Variants in RBFOX1 observed in about 807,000 individuals in gnomAD.
The protein encoded by RBFOX1 is RNA binding fox-1 homolog 1.
A neutral mutation model predicts 57.7 loss-of-function variants in RBFOX1; 8 were observed. The observed-to-expected ratio is 0.14, with a 90% CI of 0.08 to 0.25. The LOEUF is 0.25. RBFOX1 is among the 10% of genes least tolerant of loss of function. RBFOX1 has a pLI of 1.00. For synonymous variants in RBFOX1, 326 were observed against 222.4 expected (o/e 1.47, Z -4.15); for missense variants, 611 against 548.5 (o/e 1.11, Z -1.14).
At position 6,434,240 on chromosome 16, in the gene RBFOX1, A is replaced by G. The variant is rs146417909; in HGVS notation, c.-64+117183A>G. Among the ~76,000 whole-genome samples the G allele has an allele frequency of 1.6e-3, 245 of 152,288 alleles. 1 individual carries two copies. The highest frequency in any genetic ancestry group is 5.7e-3 in the African/African-American group (238 of 41,558). ...TATCCCTAATTACATAACATCTGCA[A>G]AGTCCATTTGGCTATGTAAGGTAAC... On this transcript the variant is annotated intron_variant, in intron 2 of 15. Transcript: ENST00000550418.
At chr16:7,060,147 T>A (rs2053800653) in intron 4 of RBFOX1, among the ~76,000 whole-genome samples, 1 of 152,172 alleles carries the variant, frequency 6.6e-6, no homozygotes, top group Non-Finnish European at 1.5e-5. Context: ...AGATTGTGAC[T>A]ATTTTAGGAC....
intron 4 of RBFOX1, among the ~76,000 whole-genome samples, chr16:7,132,861 C>A (rs186681738): frequency 6.6e-6 from 1 of 152,210 alleles, no homozygotes; most frequent in Non-Finnish European, 1.5e-5. Flanking sequence ...CAAGAGAATG[C>A]TGCCACGTGG....
intron 1 of RBFOX1, among the ~76,000 whole-genome samples, chr16:5,331,575 ACAT>A (rs1345361551): frequency 6.6e-6 from 1 of 152,262 alleles, no homozygotes; most frequent in Non-Finnish European, 1.5e-5. Flanking sequence ...GCCTTTGCAG[ACAT>A]CATACTTATT....
intron 4 of RBFOX1, among the ~76,000 whole-genome samples, chr16:7,355,924 A>T (rs919673168): frequency 2.6e-5 from 4 of 152,226 alleles, no homozygotes; most frequent in Non-Finnish European, 4.4e-5. Flanking sequence ...GCCGGAGGCA[A>T]AATGAGGTCA....
At position 7,001,400 on chromosome 16, in the gene RBFOX1, G is replaced by GTATATGTATATGTATATC. The variant is rs1431915188; in HGVS notation, c.-15-50640_-15-50639insCTATATGTATATGTATAT. On this transcript the variant is annotated intron_variant, in intron 3 of 15. Coordinates refer to ENST00000550418, the MANE Select transcript of RBFOX1 (RefSeq NM_018723.4). ...TGTATGTGTATGTGTATGTGTATTTGTATATGTATATGTATATGTATATGT... is the reference window on the plus strand; with the variant it reads ...TGTATGTGTATGTGTATGTGTATTTGTATATGTATATGTATATCTATATGTATATGTATATGTATATGT... Among the ~76,000 whole-genome samples the GTATATGTATATGTATATC allele has an allele frequency of 6.1e-3, 512 of 83,556 alleles. 2 individuals are homozygous for GTATATGTATATGTATATC. Among genetic ancestry groups the GTATATGTATATGTATATC allele is most frequent in the East Asian group, 0.015 (51 of 3,512 alleles). 54.8% of individuals were successfully genotyped at this position (83,556 alleles called of 152,430 possible). A position where few individuals can be genotyped will look rare whatever the true frequency, so the allele number is the denominator to read the frequency against.
intron 13 of RBFOX1, among the ~76,000 whole-genome samples, chr16:7,667,979 C>CCTCTT (rs2069976837): frequency 6.6e-6 from 1 of 152,124 alleles, no homozygotes; most frequent in African/African-American, 2.4e-5. Context: ...AAGCCATAAA[C>CCTCTT]CTCTTCTTTT....
intron 3 of RBFOX1, among the ~76,000 whole-genome samples, chr16:6,853,999 G>A (rs1193148590): frequency 6.6e-6 from 1 of 152,122 alleles, no homozygotes; most frequent in African/African-American, 2.4e-5. Flanking sequence ...TAGTCTGCAG[G>A]CCAGAAAGAA....
At chr16:5,437,196 A>T (rs2067943891) in intron 1 of RBFOX1, among the ~76,000 whole-genome samples, 2 of 152,182 alleles carry the variant, frequency 1.3e-5, no homozygotes, top group African/African-American at 4.8e-5. Flanking sequence ...ATATCATAGG[A>T]AAGAAGTGAA....
In RBFOX1 at chr16:6,713,112, G is replaced by C. The variant is rs2064039422; in HGVS notation, c.-16+58462G>C. ...CCTCCTTTCCTTTATAAATTACCCA[G>C]TCTCAGGTATTTCTTACAGCAGTGT... On this transcript the variant is annotated intron_variant, in intron 3 of 15. Coordinates refer to ENST00000550418, the MANE Select transcript of RBFOX1 (RefSeq NM_018723.4). 2.0e-5 allele frequency among the ~76,000 whole-genome samples: 3 copies of C among 151,952 alleles called. 1 individual carries two copies. Among genetic ancestry groups the C allele is most frequent in the African/African-American group, 7.3e-5 (3 of 41,376 alleles).
intron 4 of RBFOX1, among the ~76,000 whole-genome samples, chr16:5,915,565 C>T (rs139910959): frequency 0.011 from 1,675 of 152,176 alleles, 36 homozygotes; most frequent in African/African-American, 0.038. Context: ...GGCGCCGTGG[C>T]TCATGCCTCT....
At chr16:6,877,009 C>G (rs1468700869) in intron 3 of RBFOX1, among the ~76,000 whole-genome samples, 1 of 152,084 alleles carries the variant, frequency 6.6e-6, no homozygotes, top group Non-Finnish European at 1.5e-5. Context: ...CAAATGCATA[C>G]TATATTTCTG....
intron 3 of RBFOX1, among the ~76,000 whole-genome samples, chr16:6,657,229 T>G (rs932320754): frequency 4.0e-5 from 6 of 151,824 alleles, no homozygotes; most frequent in Non-Finnish European, 5.9e-5. Context: ...CTTCCTTCCT[T>G]CTTTTTCCTT....
At chr16:6,422,473 C>G (rs1455290948) in intron 2 of RBFOX1, among the ~76,000 whole-genome samples, 1 of 151,954 alleles carries the variant, frequency 6.6e-6, no homozygotes, top group East Asian at 1.9e-4. Flanking sequence ...TTGTATTAGT[C>G]CATTCTCACA....
At chr16:6,566,042 G>A (rs1329674895) in intron 2 of RBFOX1, among the ~76,000 whole-genome samples, 1 of 152,254 alleles carries the variant, frequency 6.6e-6, no homozygotes, top group East Asian at 1.9e-4. Flanking sequence ...GCGATTACCA[G>A]GACAGAGAAC....
chr16:5,626,127 G>A (rs1009738035), intron 3 of RBFOX1, among the ~76,000 whole-genome samples: 6 of 152,144 alleles, frequency 3.9e-5, no homozygotes, highest in African/African-American at 9.7e-5. Flanking sequence ...TGATCTGCCC[G>A]CCTCGGCCTC....
intron 3 of RBFOX1, among the ~76,000 whole-genome samples, chr16:6,660,164 C>T (rs371101791): frequency 6.7e-6 from 1 of 149,942 alleles, no homozygotes; most frequent in African/African-American, 2.5e-5. Context: ...GCAGAGGTTG[C>T]AGTGAGCTGA....
At chr16:7,267,465 G>A (rs1202061576) in intron 4 of RBFOX1, among the ~76,000 whole-genome samples, 1 of 152,158 alleles carries the variant, frequency 6.6e-6, no homozygotes, top group Non-Finnish European at 1.5e-5. Flanking sequence ...GAACCTAGTA[G>A]GTGGAGGTTG....
At chr16:6,689,075 A>G (rs1472305897) in intron 3 of RBFOX1, among the ~76,000 whole-genome samples, 1 of 152,144 alleles carries the variant, frequency 6.6e-6, no homozygotes, top group Non-Finnish European at 1.5e-5. Context: ...CTTTGCTATT[A>G]TGAACAGTGC....
intron 1 of RBFOX1, among the ~76,000 whole-genome samples, chr16:5,454,954 C>CTTTCTTT (rs1567535876): frequency 2.7e-4 from 11 of 40,420 alleles, no homozygotes; most frequent in African/African-American, 1.0e-3. Context: ...TTCCTTCCTT[C>CTTTCTTT]CTTCCTTTCT....
Sources: gnomAD v4.1 joint callset for allele counts (sites outside exome capture counted in the v4.1 genomes callset) on GRCh38, gnomAD v4.1.1 for gene constraint, MANE v1.5 for transcripts, NCBI Gene and HGNC (gene_info 2026-07-23, HGNC 2026-07-21) for gene names.